Variants in ACVR2A observed in about 807,000 individuals in gnomAD.
The protein encoded by ACVR2A is activin receptor type-2A.
In ACVR2A, 7 loss-of-function variants were observed where a neutral mutation model predicts 61.4. The ratio of observed to expected loss-of-function variants is 0.11; its 90% CI spans 0.06 to 0.21. ACVR2A has a LOEUF of 0.21. ACVR2A is among the 10% of genes least tolerant of loss of function. The pLI is 1.00. For missense variants in ACVR2A, 322 were observed against 621.7 expected, an observed-to-expected ratio of 0.52 and a Z score of 5.13; for synonymous variants, 193 against 208.3, an observed-to-expected ratio of 0.93 and a Z score of 0.63.
intron 10 of ACVR2A, among the ~76,000 whole-genome samples, chr2:147,926,827 T>TGG (rs954385072): frequency 3.3e-5 from 5 of 151,858 alleles, no homozygotes; most frequent in African/African-American, 1.2e-4. Context: ...TGAAATGACC[T>TGG]GGGTTATGAA....
chr2:147,925,482 T>C (rs1377148528), intron 9 of ACVR2A, among the ~76,000 whole-genome samples: 1 of 151,966 alleles, frequency 6.6e-6, no homozygotes, highest in Non-Finnish European at 1.5e-5. Flanking sequence ...CTGTTTGTGA[T>C]TTTCTAAAAA....
intron 4 of ACVR2A, among the ~76,000 whole-genome samples, chr2:147,905,650 AT>A (rs1255386133): frequency 3.3e-5 from 5 of 151,976 alleles, no homozygotes; most frequent in East Asian, 3.9e-4. Flanking sequence ...GTGTGTGATT[AT>A]TTTTGTATTG....
intron 1 of ACVR2A, among the ~76,000 whole-genome samples, chr2:147,872,868 A>G (rs1335538572): frequency 6.6e-6 from 1 of 151,834 alleles, no homozygotes; most frequent in Non-Finnish European, 1.5e-5. Context: ...GCAGTAAGAA[A>G]AGTTCCAGAA....
At chr2:147,864,490 T>G (rs1045287214) in intron 1 of ACVR2A, among the ~76,000 whole-genome samples, 8 of 152,054 alleles carry the variant, frequency 5.3e-5, no homozygotes, top group Admixed American at 3.9e-4. Context: ...TTGGCCTCCC[T>G]AAGTGCTGGG....
intron 1 of ACVR2A, among the ~76,000 whole-genome samples, chr2:147,876,913 A>G (rs905758162): frequency 6.6e-6 from 1 of 152,126 alleles, no homozygotes; most frequent in East Asian, 1.9e-4. Context: ...TTTGTCTTCT[A>G]TATGTTGCTC....
intron 1 of ACVR2A, among the ~76,000 whole-genome samples, chr2:147,855,001 C>G (rs369435696): frequency 1.6e-4 from 25 of 152,142 alleles, no homozygotes; most frequent in African/African-American, 6.0e-4. Context: ...CTGCCTCAGC[C>G]TCCTGAGTAA....
intron 1 of ACVR2A, among the ~76,000 whole-genome samples, chr2:147,850,219 C>T (rs1685410751): frequency 6.6e-6 from 1 of 152,046 alleles, no homozygotes; most frequent in Non-Finnish European, 1.5e-5. Flanking sequence ...CTTCCTTATA[C>T]TGCTTGCTTG....
chr2:147,873,858 G>A (rs1024685132), intron 1 of ACVR2A, among the ~76,000 whole-genome samples: 10 of 151,960 alleles, frequency 6.6e-5, no homozygotes, highest in Non-Finnish European at 1.5e-4. Context: ...TTTTAGCCTA[G>A]GCTGTGTCTG....
At chr2:147,847,173 T>C (rs1445118692) in intron 1 of ACVR2A, among the ~76,000 whole-genome samples, 1 of 152,168 alleles carries the variant, frequency 6.6e-6, no homozygotes, top group Non-Finnish European at 1.5e-5. Context: ...ATTCCACTTA[T>C]ATTAAACTAA....
At chr2:147,881,641 G>A (rs1482840943) in intron 1 of ACVR2A, among the ~76,000 whole-genome samples, 6 of 30,388 alleles carry the variant, frequency 2.0e-4, no homozygotes, top group South Asian at 2.9e-3. Flanking sequence ...GTGTGTGTGT[G>A]TATGTGTGTG....
At chr2:147,880,711 C>A (rs1341698343) in intron 1 of ACVR2A, among the ~76,000 whole-genome samples, 1 of 152,110 alleles carries the variant, frequency 6.6e-6, no homozygotes, top group African/African-American at 2.4e-5. Context: ...ATTTCTCAAA[C>A]TTTGGAATTA....
At position 147,909,655 on chromosome 2, in the gene ACVR2A, G is replaced by A. The variant is rs58331048; in HGVS notation, c.529-5536G>A. 5.9e-3 allele frequency among the ~76,000 whole-genome samples: 890 copies of A among 151,704 alleles called. 9 individuals carry two copies. The highest frequency in any genetic ancestry group is 0.021 in the African/African-American group (858 of 41,366). ...TTTATTTTGCTTTATTTTTATTTTTGGAGATGAGGTATCACTCTGTCACCC... is the reference window on the plus strand; with the variant it reads ...TTTATTTTGCTTTATTTTTATTTTTAGAGATGAGGTATCACTCTGTCACCC... On this transcript the variant is annotated intron_variant, in intron 4 of 10. Coordinates refer to ENST00000241416, the MANE Select transcript of ACVR2A (RefSeq NM_001616.5).
intron 7 of ACVR2A, 46 bp from the exon 8 acceptor site, chr2:147,920,184 A>C (rs1687345845): frequency 7.6e-7 from 1 of 1,312,032 alleles, no homozygotes; most frequent in East Asian, 2.3e-5. Context: ...AAATTTAAAA[A>C]GGTAACTAGT....
chr2:147,864,416 G>T (rs1685803399), intron 1 of ACVR2A, among the ~76,000 whole-genome samples: 1 of 151,938 alleles, frequency 6.6e-6, no homozygotes, highest in South Asian at 2.1e-4. Flanking sequence ...TATTTTTTTA[G>T]AGGTGAGGTT....
intron 1 of ACVR2A, among the ~76,000 whole-genome samples, chr2:147,868,277 G>A (rs924596452): frequency 3.9e-5 from 6 of 152,272 alleles, no homozygotes; most frequent in African/African-American, 1.4e-4. Context: ...GCTAGCATAC[G>A]CAAGAGCTTT....
intron 4 of ACVR2A, among the ~76,000 whole-genome samples, chr2:147,905,605 G>A (rs1337135790): frequency 6.6e-6 from 1 of 151,756 alleles, no homozygotes; most frequent in African/African-American, 2.4e-5. Context: ...AAATAGTATA[G>A]GGCTACTATA....
rs1687493828 is a variant in ACVR2A, at chr2:147,926,145, A to G, written c.1331A>G (p.Tyr444Cys). The G allele has an allele frequency of 6.2e-7, 1 of 1,610,378 alleles. No homozygotes were observed. The highest frequency in any genetic ancestry group is 2.2e-5 in the East Asian group (1 of 44,840). ...HKKKRPVLRDYWQKHAGMAML... is the reference protein window; with the variant it reads ...HKKKRPVLRDCWQKHAGMAML... ...AAAAAGAGGCCTGTTTTAAGAGATT[A>G]TTGGCAGAAACATGCTGTAAGTTAT... The change falls in exon 10 of 11, where the codon TAT becomes TGT. Residue 444 changes from tyrosine to cysteine, a missense_variant. This residue lies in a region of ACVR2A where 146 missense variants were observed against 383.8 expected (regional missense o/e 0.38). Coordinates refer to ENST00000241416, the MANE Select transcript of ACVR2A (RefSeq NM_001616.5).
In ACVR2A at chr2:147,923,068, A is replaced by T; in HGVS notation, c.1173A>T (p.Gly391=). Residue 391 remains glycine (G), a synonymous_variant, in exon 9 of 11, where the codon GGA becomes GGT. Transcript: ENST00000241416. ...TGAGGATAGATATGTATGCCATGGG[A>T]TTAGTCCTATGGGAACTGGCTTCTC... is the stretch of plus-strand genomic sequence containing the variant. The part of the protein sequence containing the change: ...AFLRIDMYAM[G]LVLWELASRC... 1 of 1,613,466 alleles carries T rather than the reference A, an allele frequency of 6.2e-7. No individual in the cohort carries two copies. Among genetic ancestry groups the T allele is most frequent in the Non-Finnish European group, 8.5e-7 (1 of 1,179,568 alleles).
intron 4 of ACVR2A, among the ~76,000 whole-genome samples, chr2:147,906,818 ATTTTT>A (rs369876665): frequency 1.9e-4 from 24 of 123,406 alleles, no homozygotes; most frequent in African/African-American, 6.5e-4. Flanking sequence ...TATCAAGTCC[ATTTTT>A]TTTTTTTTTT....
Sources: allele counts gnomAD v4.1 joint callset (sites outside exome capture counted in the v4.1 genomes callset), GRCh38; gene constraint gnomAD v4.1.1; regional missense constraint gnomAD v4.1.1; transcripts MANE v1.5; gene names NCBI Gene and HGNC (gene_info 2026-07-23, HGNC 2026-07-21).